The following ZNF423 variants were observed in gnomAD, a reference collection of about 807,000 sequenced individuals.
ZNF423 encodes the protein zinc finger protein 423.
ZNF423 carries 12 observed loss-of-function variants against 95.8 expected under a neutral mutation model. That is an observed-to-expected ratio of 0.13 (90% CI 0.08 to 0.20). The LOEUF is 0.20. Among genes scored for constraint, ZNF423 ranks in the 10% least tolerant of loss-of-function variants. The probability of loss-of-function intolerance (pLI) is 1.00; values close to 1 mark genes in which losing one functional copy is unlikely to be tolerated. For missense variants in ZNF423, 1,316 were observed against 1,737.1 expected (o/e 0.76, Z 4.31); for synonymous variants, 749 against 711.9 (o/e 1.05, Z -0.83).
At chr16:49,734,017 G>A (rs1326339458) in intron 2 of ZNF423, among the ~76,000 whole-genome samples, 6 of 152,220 alleles carry the variant, frequency 3.9e-5, no homozygotes, top group Admixed American at 2.0e-4. Flanking sequence ...ACACGTTCAC[G>A]TGTTCATTAA....
intron 3 of ZNF423, among the ~76,000 whole-genome samples, chr16:49,673,492 G>GTCTGCACAGAT: frequency 6.6e-6 from 1 of 152,222 alleles, no homozygotes; most frequent in Admixed American, 6.5e-5. Context: ...GAGAACTCCA[G>GTCTGCACAGAT]CATTGAGGAA....
chr16:49,631,706 G>A (rs575431894), intron 4 of ZNF423, among the ~76,000 whole-genome samples: 2 of 152,326 alleles, frequency 1.3e-5, no homozygotes, highest in South Asian at 4.1e-4. Flanking sequence ...CTTCAAGACA[G>A]GAAGGAGAGA....
intron 5 of ZNF423, among the ~76,000 whole-genome samples, chr16:49,597,461 T>C (rs72622234): frequency 0.073 from 11,098 of 152,324 alleles, 672 homozygotes; most frequent in East Asian, 0.31. Flanking sequence ...TATGGTACCA[T>C]CATAATATTT....
intron 3 of ZNF423, among the ~76,000 whole-genome samples, chr16:49,712,068 G>C (rs965567318): frequency 2.0e-5 from 3 of 152,218 alleles, no homozygotes; most frequent in African/African-American, 7.2e-5. Flanking sequence ...AGTGAGCTAT[G>C]TTCACACCAC....
At chr16:49,851,303 A>C (rs1341631288) in intron 1 of ZNF423, among the ~76,000 whole-genome samples, 1 of 152,150 alleles carries the variant, frequency 6.6e-6, no homozygotes, top group Non-Finnish European at 1.5e-5. Context: ...TTTTTCAAAG[A>C]GCCGGGGAGC....
chr16:49,730,012 A>C (rs2033122401), intron 3 of ZNF423, among the ~76,000 whole-genome samples: 1 of 152,168 alleles, frequency 6.6e-6, no homozygotes, highest in African/African-American at 2.4e-5. Flanking sequence ...TAAGGAACAC[A>C]GGTCCTATGG....
At chr16:49,708,736 C>T (rs998414865) in intron 3 of ZNF423, among the ~76,000 whole-genome samples, 93 of 152,254 alleles carry the variant, frequency 6.1e-4, no homozygotes, top group African/African-American at 2.2e-3. Context: ...GAAGCACTTG[C>T]GGAGGCTGTC....
intron 5 of ZNF423, among the ~76,000 whole-genome samples, chr16:49,621,890 C>A (rs1972095978): frequency 6.6e-6 from 1 of 152,214 alleles, no homozygotes; most frequent in Non-Finnish European, 1.5e-5. Flanking sequence ...TCTTCTCCCC[C>A]TGCCCTGTTC....
chr16:49,582,114 C>T (rs1429420710), intron 5 of ZNF423, among the ~76,000 whole-genome samples: 6 of 152,238 alleles, frequency 3.9e-5, no homozygotes, highest in Admixed American at 3.9e-4. Context: ...GACGCCTACA[C>T]GCAAGCTGGG....
chr16:49,822,428 C>T (rs1415255793), intron 1 of ZNF423, among the ~76,000 whole-genome samples: 1 of 152,156 alleles, frequency 6.6e-6, no homozygotes, highest in Non-Finnish European at 1.5e-5. Context: ...CCTGCCTCAA[C>T]CTCCCAAAAT....
At chr16:49,854,786 C>T (rs2035340629) in intron 1 of ZNF423, 2 of 985,360 alleles carry the variant, frequency 2.0e-6, no homozygotes, top group Non-Finnish European at 2.4e-6. Context: ...GAGCTGGGGG[C>T]CCTCGCTGGA....
chr16:49,807,027 CAAA>C (rs767699028), intron 1 of ZNF423, among the ~76,000 whole-genome samples: 2 of 105,616 alleles, frequency 1.9e-5, no homozygotes, highest in Non-Finnish European at 2.0e-5. Flanking sequence ...ACTCTGACTC[CAAA>C]AAAAAAAAAA....
chr16:49,506,463 T>C (rs898920563), intron 7 of ZNF423, among the ~76,000 whole-genome samples: 2 of 146,294 alleles, frequency 1.4e-5, no homozygotes, highest in African/African-American at 2.6e-5. Flanking sequence ...GATTGATGGG[T>C]AGATGAATGA....
At chr16:49,557,292 C>A (rs988716136) in intron 5 of ZNF423, among the ~76,000 whole-genome samples, 1 of 152,176 alleles carries the variant, frequency 6.6e-6, no homozygotes, top group South Asian at 2.1e-4. Context: ...TACAAATGAG[C>A]GCCTGGCAGG....
chr16:49,712,591 T>C (rs1458820765), intron 3 of ZNF423, among the ~76,000 whole-genome samples: 1 of 152,206 alleles, frequency 6.6e-6, no homozygotes, highest in African/African-American at 2.4e-5. Flanking sequence ...AGGGACCTCC[T>C]CAGACTCAAG....
intron 7 of ZNF423, among the ~76,000 whole-genome samples, chr16:49,516,143 G>A (rs1054947559): frequency 6.6e-6 from 1 of 152,170 alleles, no homozygotes; most frequent in Non-Finnish European, 1.5e-5. Flanking sequence ...CCGAAGCCCC[G>A]GCCCTCTGGC....
chr16:49,814,286 T>G (rs2034801729), intron 1 of ZNF423, among the ~76,000 whole-genome samples: 2 of 151,646 alleles, frequency 1.3e-5, no homozygotes, highest in South Asian at 4.2e-4. Context: ...CTCTGGGGGG[T>G]GGGGGGATGA....
upstream of ZNF423, among the ~76,000 whole-genome samples, chr16:49,857,207 C>A (rs1382438859): frequency 2.0e-5 from 3 of 150,612 alleles, no homozygotes; most frequent in Admixed American, 6.6e-5. This position sits in a 1 kb window ranked among gnomAD's most constrained non-coding sequence, Gnocchi z 6.2. Flanking sequence ...GCGCCCCGCA[C>A]TGCTCCGGCT....
At chr16:49,809,139 T>C (rs1370033165) in intron 1 of ZNF423, among the ~76,000 whole-genome samples, 1 of 152,216 alleles carries the variant, frequency 6.6e-6, no homozygotes, top group Non-Finnish European at 1.5e-5. Flanking sequence ...TAATACTTGG[T>C]TGTGTTTATT....
Sources: gnomAD v4.1 joint callset for allele counts (sites outside exome capture counted in the v4.1 genomes callset) on GRCh38, gnomAD v4.1.1 for gene constraint, Gnocchi (gnomAD v3.1) non-coding constraint, MANE v1.5 for transcripts, NCBI Gene and HGNC (gene_info 2026-07-23, HGNC 2026-07-21) for gene names.